The following ADAM2 variants were observed in gnomAD, a reference collection of about 807,000 sequenced individuals.
ADAM2 encodes the protein ADAM metallopeptidase domain 2.
ADAM2 carries 101 observed loss-of-function variants against 99.3 expected under a neutral mutation model. The ratio of observed to expected loss-of-function variants is 1.02; its 90% CI spans 0.87 to 1.20. The LOEUF (loss-of-function observed/expected upper bound fraction) is 1.20, where lower values mean the gene tolerates loss of function less well. Among genes scored for constraint, ADAM2 ranks in the 50% most tolerant of loss-of-function variants. The pLI, the probability that ADAM2 is intolerant of heterozygous loss-of-function variation, is 0.00. For synonymous variants in ADAM2, 323 were observed against 287.6 expected (o/e 1.12, Z -1.25); for missense variants, 948 against 878.7 (o/e 1.08, Z -1.00).
chr8:39,812,878 A>C (rs1804763764), intron 6 of ADAM2, among the ~76,000 whole-genome samples: 1 of 152,206 alleles, frequency 6.6e-6, no homozygotes, highest in Non-Finnish European at 1.5e-5. Context: ...TCAGGACTAA[A>C]ACACCAAAAG....
At chr8:39,770,972 C>T (rs1035398638) in intron 11 of ADAM2, among the ~76,000 whole-genome samples, 2 of 152,128 alleles carry the variant, frequency 1.3e-5, no homozygotes, top group African/African-American at 4.8e-5. Context: ...TTTTTTTCCT[C>T]AAAACTCAAT....
At chr8:39,797,174 G>A (rs948589066) in intron 7 of ADAM2, among the ~76,000 whole-genome samples, 1 of 152,096 alleles carries the variant, frequency 6.6e-6, no homozygotes. Context: ...GGGTGTTTAT[G>A]GATTTGGGTT....
At position 39,817,812 on chromosome 8, in the gene ADAM2, A is replaced by G. The variant is rs530258618; in HGVS notation, c.513+3190T>C. ...AAATCGTACCGATATTTAAAGACCT[A>G]TAAGGGAGTCCTACAAACAACAATA... is the stretch of plus-strand genomic sequence containing the variant. On this transcript the variant is annotated intron_variant, in intron 6 of 20. Transcript: ENST00000265708. The G allele has an allele frequency of 1.1e-3, 163 of 152,114 alleles. 1 individual carries two copies. The highest frequency in any genetic ancestry group is 3.8e-3 in the African/African-American group (158 of 41,578). 9.4% of individuals were successfully genotyped at this position (152,114 alleles called of 1,614,324 possible). A position where few individuals can be genotyped will look rare whatever the true frequency, so the allele number is the denominator to read the frequency against.
chr8:39,799,819 G>T (rs1042853402), intron 7 of ADAM2, among the ~76,000 whole-genome samples: 24 of 152,054 alleles, frequency 1.6e-4, no homozygotes, highest in African/African-American at 5.8e-4. Flanking sequence ...GATCTTTGTT[G>T]GTTTAAAGTC....
At chr8:39,773,638 T>G (rs1802872629) in intron 11 of ADAM2, among the ~76,000 whole-genome samples, 1 of 151,742 alleles carries the variant, frequency 6.6e-6, no homozygotes, top group East Asian at 1.9e-4. Flanking sequence ...TATGAAAAAT[T>G]AATCAATTTT....
intron 4 of ADAM2, among the ~76,000 whole-genome samples, chr8:39,824,274 C>CAAAAAAAAA (rs201545294): frequency 2.4e-5 from 2 of 83,500 alleles, no homozygotes; most frequent in Non-Finnish European, 2.5e-5. Flanking sequence ...AACTCTATCT[C>CAAAAAAAAA]AAAAAAAAAA....
chr8:39,815,287 A>G (rs1307788184), intron 6 of ADAM2, among the ~76,000 whole-genome samples: 2 of 152,168 alleles, frequency 1.3e-5, no homozygotes, highest in Non-Finnish European at 2.9e-5. Flanking sequence ...TGTTCGTATA[A>G]TGAAGGAACT....
At chr8:39,803,204 A>G (rs989122165) in intron 7 of ADAM2, among the ~76,000 whole-genome samples, 1 of 152,108 alleles carries the variant, frequency 6.6e-6, no homozygotes, top group African/African-American at 2.4e-5. Flanking sequence ...TTTTGATCAA[A>G]CCGCTCGGTA....
intron 10 of ADAM2, among the ~76,000 whole-genome samples, chr8:39,785,363 A>C (rs1586096168): frequency 1.3e-5 from 2 of 152,214 alleles, no homozygotes; most frequent in South Asian, 4.1e-4. Flanking sequence ...AAAATAAAAA[A>C]CAACAGATGC....
intron 7 of ADAM2, among the ~76,000 whole-genome samples, chr8:39,791,222 CAGT>C (rs1941827219): frequency 6.6e-6 from 1 of 151,982 alleles, no homozygotes; most frequent in Non-Finnish European, 1.5e-5. Flanking sequence ...AGAACATTCT[CAGT>C]AACCAATCAA....
intron 4 of ADAM2, among the ~76,000 whole-genome samples, chr8:39,824,351 T>C (rs1338484942): frequency 6.6e-6 from 1 of 151,576 alleles, no homozygotes. Flanking sequence ...TTATTATTTT[T>C]TAAAAAAATT....
At chr8:39,776,843 AT>A (rs1586083517) in intron 11 of ADAM2, among the ~76,000 whole-genome samples, 181 bp downstream of exon 11, 1 of 152,160 alleles carries the variant, frequency 6.6e-6, no homozygotes, top group African/African-American at 2.4e-5. Context: ...CCAGTGTGAC[AT>A]TTGATTACAA....
At chr8:39,775,491 C>A in intron 11 of ADAM2, among the ~76,000 whole-genome samples, 1 of 151,938 alleles carries the variant, frequency 6.6e-6, no homozygotes. Context: ...GTGGAAAACC[C>A]GATATATTGT....
chr8:39,833,935 AT>A lies in ADAM2; in HGVS notation c.188+8del. ...AAAGAGAATTGATAAAATAATGATG[AT>A]TACCTACTTTTGCATTAAATTCACA... On this transcript the variant is annotated splice_region_variant and intron_variant, in intron 3 of 20. Coordinates refer to ENST00000265708, the MANE Select transcript of ADAM2 (RefSeq NM_001464.5). 7.0e-7 allele frequency: 1 copy of A among 1,420,054 alleles called. No homozygotes were observed. The allele number at this position is 1,420,054 out of a possible 1,614,324, so 88.0% of individuals were successfully genotyped here.
chr8:39,765,077 A>G (rs1316231663), intron 14 of ADAM2, among the ~76,000 whole-genome samples: 3 of 151,722 alleles, frequency 2.0e-5, no homozygotes, highest in Admixed American at 1.3e-4. Flanking sequence ...AAATAGCTGC[A>G]CACATACCTA....
chr8:39,835,484 A>C (rs1455920944), intron 2 of ADAM2, among the ~76,000 whole-genome samples: 1 of 152,016 alleles, frequency 6.6e-6, no homozygotes, highest in Non-Finnish European at 1.5e-5. Context: ...GGAGATCGAG[A>C]CCATCCTGAC....
chr8:39,797,359 A>G (rs1293740477), intron 7 of ADAM2, among the ~76,000 whole-genome samples: 5 of 152,102 alleles, frequency 3.3e-5, no homozygotes, highest in African/African-American at 1.2e-4. Flanking sequence ...AGATGGTTGT[A>G]GATGTGTAGA....
chr8:39,781,140 T>A (rs1363517592), intron 10 of ADAM2, among the ~76,000 whole-genome samples: 1 of 152,102 alleles, frequency 6.6e-6, no homozygotes, highest in East Asian at 1.9e-4. Flanking sequence ...CAGTTTCATA[T>A]ACATATCAAT....
At chr8:39,836,136 G>A (rs1805812810) in intron 2 of ADAM2, among the ~76,000 whole-genome samples, 1 of 152,008 alleles carries the variant, frequency 6.6e-6, no homozygotes, top group Non-Finnish European at 1.5e-5. Flanking sequence ...ACTGTTCTAG[G>A]CAAGAAGAAT....
Sources: gnomAD v4.1 joint callset for allele counts (sites outside exome capture counted in the v4.1 genomes callset) on GRCh38, gnomAD v4.1.1 for gene constraint, MANE v1.5 for transcripts, NCBI Gene and HGNC (gene_info 2026-07-23, HGNC 2026-07-21) for gene names.